The following CNTNAP4 variants were observed in gnomAD, a reference collection of about 807,000 sequenced individuals.
The protein encoded by CNTNAP4 is contactin associated protein family member 4.
In CNTNAP4, 98 loss-of-function variants were observed where a neutral mutation model predicts 148.4. That is an observed-to-expected ratio of 0.66 (90% CI 0.56 to 0.78). The LOEUF is 0.78. CNTNAP4 is among the 30% of genes least tolerant of loss of function. CNTNAP4 has a pLI of 0.00. For synonymous variants in CNTNAP4, 730 were observed against 565.1 expected, an observed-to-expected ratio of 1.29 and a Z score of -4.14; for missense variants, 1,935 against 1,565.6, an observed-to-expected ratio of 1.24 and a Z score of -3.98.
Position 76,521,283 on chromosome 16 carries a change from G to T in CNTNAP4, c.2509G>T (p.Ala837Ser). 1 of 1,611,850 alleles carries T rather than the reference G, an allele frequency of 6.2e-7. No homozygotes were observed. Among genetic ancestry groups the T allele is most frequent in the Non-Finnish European group, 8.5e-7 (1 of 1,179,152 alleles). ...SGVFLENLGI[A>S]DFIRIELRSP... ...GGTATTTTTAGAGAACTTGGGGATT[G>T]CTGATTTTATACGGATAGAGCTTCG... Residue 837 changes from alanine (A) to serine (S), a missense_variant, in exon 16 of 24, where the codon GCT (alanine) becomes TCT (serine). Physicochemically the swap from Ala to Ser is moderately conservative, Grantham distance 99. Transcript: ENST00000611870.
intron 2 of CNTNAP4, among the ~76,000 whole-genome samples, chr16:76,333,639 C>A (rs1357870455): frequency 6.6e-6 from 1 of 152,062 alleles, no homozygotes; most frequent in African/African-American, 2.4e-5. Context: ...ATGGACTCTA[C>A]ATTCCTTTTT....
At chr16:76,326,666 G>T (rs925114889) in intron 2 of CNTNAP4, among the ~76,000 whole-genome samples, 1 of 152,058 alleles carries the variant, frequency 6.6e-6, no homozygotes, top group Non-Finnish European at 1.5e-5. Flanking sequence ...GATAAAGCTG[G>T]AAACCATCAT....
intron 1 of CNTNAP4, among the ~76,000 whole-genome samples, chr16:76,299,284 G>T (rs62049687): frequency 6.6e-6 from 1 of 151,774 alleles, no homozygotes; most frequent in African/African-American, 2.4e-5. Context: ...TCTATAATGA[G>T]CTCAAACAAA....
intron 1 of CNTNAP4, among the ~76,000 whole-genome samples, chr16:76,315,423 T>C (rs1961611339): frequency 6.6e-6 from 1 of 152,132 alleles, no homozygotes; most frequent in East Asian, 1.9e-4. Flanking sequence ...TAATGACAAG[T>C]TGTTTTTATA....
At position 76,348,797 on chromosome 16, in the gene CNTNAP4, G is replaced by C. The variant is rs371049941; in HGVS notation, c.197-6521G>C. The stretch of plus-strand genomic sequence containing the variant: ...GTCGGCCCAAGAAGGAATGGGGTGA[G>C]AAAAATTGGAGAGTGATGTGGACCT... On this transcript the variant is annotated intron_variant, in intron 2 of 23. Coordinates refer to ENST00000611870, the MANE Select transcript of CNTNAP4 (RefSeq NM_033401.5). Among the ~76,000 whole-genome samples, 35 of 150,014 alleles carry C rather than the reference G, an allele frequency of 2.3e-4. 1 individual carries two copies. Among genetic ancestry groups the C allele is most frequent in the East Asian group, 1.6e-3 (8 of 5,090 alleles).
chr16:76,494,821 T>C (rs2082343757), intron 13 of CNTNAP4, 89 bp from the exon 14 acceptor site: 4 of 1,313,016 alleles, frequency 3.0e-6, no homozygotes, highest in Non-Finnish European at 4.2e-6. Context: ...TTTATTCTTT[T>C]TAATGATTTT....
intron 3 of CNTNAP4, among the ~76,000 whole-genome samples, chr16:76,410,367 A>G (rs1219874857): frequency 6.6e-6 from 1 of 151,736 alleles, no homozygotes; most frequent in East Asian, 1.9e-4. Context: ...AAAAATGGAG[A>G]ACATGTATTA....
chr16:76,470,836 C>T (rs2081343639), intron 10 of CNTNAP4, among the ~76,000 whole-genome samples: 1 of 152,070 alleles, frequency 6.6e-6, no homozygotes, highest in Non-Finnish European at 1.5e-5. Flanking sequence ...CATGGCTATT[C>T]ACACACACTC....
At chr16:76,470,738 TA>T (rs138690592) in intron 10 of CNTNAP4, among the ~76,000 whole-genome samples, 3 of 150,880 alleles carry the variant, frequency 2.0e-5, no homozygotes, top group African/African-American at 4.9e-5. Flanking sequence ...TGCAGGTTTT[TA>T]AAAAAAAACT....
chr16:76,428,067 C>T (rs753340181), intron 4 of CNTNAP4, among the ~76,000 whole-genome samples: 16 of 152,060 alleles, frequency 1.1e-4, no homozygotes, highest in Non-Finnish European at 1.8e-4. Context: ...ATGTGCTATG[C>T]TGTCAGTATA....
At chr16:76,453,755 TTA>T (rs1186570322) in intron 8 of CNTNAP4, among the ~76,000 whole-genome samples, 2 of 152,186 alleles carry the variant, frequency 1.3e-5, no homozygotes, top group African/African-American at 4.8e-5. Flanking sequence ...TGCCTATTAT[TTA>T]TATGTCTTTT....
At chr16:76,321,942 C>T (rs1164343139) in intron 2 of CNTNAP4, among the ~76,000 whole-genome samples, 3 of 152,002 alleles carry the variant, frequency 2.0e-5, no homozygotes, top group Non-Finnish European at 4.4e-5. Flanking sequence ...GGGAACCTGG[C>T]TGGCACAACT....
At chr16:76,542,728 T>A (rs763116468) in intron 21 of CNTNAP4, among the ~76,000 whole-genome samples, 26 of 152,200 alleles carry the variant, frequency 1.7e-4, no homozygotes, top group Non-Finnish European at 2.9e-4. Context: ...GCCACATAAC[T>A]ATTGTTATTT....
chr16:76,415,177 A>G (rs2078932255), intron 3 of CNTNAP4, among the ~76,000 whole-genome samples: 1 of 151,242 alleles, frequency 6.6e-6, no homozygotes, highest in Non-Finnish European at 1.5e-5. Context: ...CTAAACACAC[A>G]CAGATGAAAT....
Position 76,451,962 on chromosome 16 carries a change from A to T in CNTNAP4, c.1072-546A>T, listed in dbSNP as rs181070629. ...AATTATCCCGATTTGCTCATTACGT[A>T]TTATATATATGTATCAAAATATCAC... On this transcript the variant is annotated intron_variant, in intron 7 of 23. Transcript: ENST00000611870. Among the ~76,000 whole-genome samples, 70 of 152,256 alleles carry T rather than the reference A, an allele frequency of 4.6e-4. No individual in the cohort carries two copies. The Middle Eastern group carries it at 0.01, about 22-fold the overall frequency.
intron 4 of CNTNAP4, among the ~76,000 whole-genome samples, chr16:76,443,364 C>T (rs2080116879): frequency 6.6e-6 from 1 of 152,126 alleles, no homozygotes; most frequent in Non-Finnish European, 1.5e-5. Context: ...TACAATTCAA[C>T]TATGTACAAA....
In CNTNAP4 at chr16:76,408,519, C is replaced by A. The variant is rs370976805; in HGVS notation, c.391-18933C>A. Among the ~76,000 whole-genome samples, 30 of 152,066 alleles carry A rather than the reference C, an allele frequency of 2.0e-4. 1 individual carries two copies. The highest frequency in any genetic ancestry group is 6.7e-4 in the African/African-American group (28 of 41,484). ...AAGCATCAACCCCATGGCCTTTTCT[C>A]CCCCGTGCAACTCTTTCATACGTTG... On this transcript the variant is annotated intron_variant, in intron 3 of 23. Coordinates refer to ENST00000611870, the MANE Select transcript of CNTNAP4 (RefSeq NM_033401.5).
chr16:76,478,688 A>T (rs1385052204), intron 11 of CNTNAP4, among the ~76,000 whole-genome samples: 2 of 152,132 alleles, frequency 1.3e-5, no homozygotes, highest in East Asian at 3.8e-4. Flanking sequence ...GTACATGGCA[A>T]ATTTAGGATT....
At chr16:76,413,098 T>A (rs74250961) in intron 3 of CNTNAP4, among the ~76,000 whole-genome samples, 52,362 of 151,252 alleles carry the variant, frequency 0.35, 10,815 homozygotes, top group Non-Finnish European at 0.44. Context: ...GTTTATCCTT[T>A]GAGTTACAAA....
Sources: gnomAD v4.1 joint callset for allele counts (sites outside exome capture counted in the v4.1 genomes callset) on GRCh38, gnomAD v4.1.1 for gene constraint, MANE v1.5 for transcripts, NCBI Gene and HGNC (gene_info 2026-07-23, HGNC 2026-07-21) for gene names.